The following TEX9 variants were observed in gnomAD, a reference collection of about 807,000 sequenced individuals.
The protein encoded by TEX9 is testis expressed 9.
In TEX9, 74 loss-of-function variants were observed where a neutral mutation model predicts 59.6. The ratio of observed to expected loss-of-function variants is 1.24; its 90% CI spans 1.03 to 1.51. The LOEUF (loss-of-function observed/expected upper bound fraction) is 1.51. TEX9 is among the 40% of genes most tolerant of loss of function. TEX9 has a pLI of 0.00. For missense variants in TEX9, 522 were observed against 447.8 expected (o/e 1.17, Z -1.49); for synonymous variants, 186 against 152.2 (o/e 1.22, Z -1.64).
chr15:56,256,352 T>C (rs1479687017), intron 1 of TEX9, among the ~76,000 whole-genome samples: 1 of 152,062 alleles, frequency 6.6e-6, no homozygotes, highest in Non-Finnish European at 1.5e-5. Context: ...CTAGTGTATT[T>C]AACTGCAACA....
intron 2 of TEX9, chr15:56,365,986 A>T (rs983474051): frequency 2.3e-6 from 2 of 871,846 alleles, no homozygotes; most frequent in African/African-American, 3.6e-5. Context: ...ACGAATAGTT[A>T]GTTCACTTGA....
At chr15:56,393,714 T>A (rs2048321414) in intron 7 of TEX9, 1 of 153,338 alleles carries the variant, frequency 6.5e-6, no homozygotes. Flanking sequence ...ATTAGTGTAT[T>A]TCTTTGCTTC....
At chr15:56,399,873 A>G (rs1300279476) in intron 9 of TEX9, among the ~76,000 whole-genome samples, 1 of 152,198 alleles carries the variant, frequency 6.6e-6, no homozygotes, top group African/African-American at 2.4e-5. Context: ...GCAAACTCCA[A>G]AAGAACTGCA....
intron 1 of TEX9, among the ~76,000 whole-genome samples, chr15:56,273,706 A>G (rs1271788709): frequency 1.3e-5 from 2 of 152,254 alleles, no homozygotes; most frequent in Non-Finnish European, 2.9e-5. Context: ...TCTGCAACAT[A>G]TAAAATTCTG....
intron 1 of TEX9, among the ~76,000 whole-genome samples, chr15:56,331,584 T>C (rs925576157): frequency 2.6e-5 from 4 of 152,004 alleles, no homozygotes; most frequent in African/African-American, 7.2e-5. Flanking sequence ...AAGAAGGAAA[T>C]TGAAAAATTT....
the TEX9 span, among the ~76,000 whole-genome samples, chr15:56,452,802 G>A: frequency 1.5e-4 from 23 of 152,238 alleles, no homozygotes; most frequent in African/African-American, 5.3e-4. Context: ...ACAGGCATGA[G>A]CCACCGCACC....
chr15:56,332,796 G>A (rs182440773), intron 1 of TEX9, among the ~76,000 whole-genome samples: 225 of 152,044 alleles, frequency 1.5e-3, no homozygotes, highest in Non-Finnish European at 2.6e-3. Flanking sequence ...AGAAAAAAGG[G>A]AGAAGATCTA....
chr15:56,348,929 C>T (rs1195670090), intron 1 of TEX9, among the ~76,000 whole-genome samples: 4 of 6,108 alleles, frequency 6.5e-4, no homozygotes, highest in Admixed American at 5.3e-3. Context: ...TTACCATTTT[C>T]TCTTTTTTTT....
chr15:56,327,530 TA>T (rs2046044819), intron 1 of TEX9, among the ~76,000 whole-genome samples: 2 of 152,168 alleles, frequency 1.3e-5, no homozygotes, highest in Non-Finnish European at 2.9e-5. Flanking sequence ...AACACCTTTA[TA>T]AGAACCAAAA....
Position 56,249,570 on chromosome 15 carries a change from T to G in TEX9, c.-107+5292T>G, listed in dbSNP as rs775255896. 1.3e-4 allele frequency among the ~76,000 whole-genome samples: 19 copies of G among 151,414 alleles called. No individual in the cohort carries two copies. In the South Asian group the frequency reaches 1.3e-3, roughly 10 times the overall value. On this transcript the variant is annotated intron_variant, in intron 1 of 5. Coordinates refer to the TEX9 transcript ENST00000560827. ...CTGGCGAAGATGGTGAAACCCCGTTTCTACTAAAAATACAAAAATTAGCCG... is the reference window on the plus strand; with the variant it reads ...CTGGCGAAGATGGTGAAACCCCGTTGCTACTAAAAATACAAAAATTAGCCG...
At chr15:56,448,405 T>C (rs2050923355), downstream of TEX9, among the ~76,000 whole-genome samples, 2 of 152,220 alleles carry the variant, frequency 1.3e-5, no homozygotes, top group Non-Finnish European at 2.9e-5. Flanking sequence ...CACCCTCTCA[T>C]AGTTCACAGT....
intron 1 of TEX9, among the ~76,000 whole-genome samples, chr15:56,323,939 T>C (rs1177862203): frequency 6.6e-6 from 1 of 152,172 alleles, no homozygotes; most frequent in Non-Finnish European, 1.5e-5. Context: ...TCCAGTGTCC[T>C]TTTTTGTATA....
chr15:56,245,202 C>T (rs1325878274), intron 1 of TEX9, among the ~76,000 whole-genome samples: 4 of 152,174 alleles, frequency 2.6e-5, no homozygotes, highest in African/African-American at 7.2e-5. Flanking sequence ...CAGTTCCCTG[C>T]CTTGGCCTGA....
intron 10 of TEX9, among the ~76,000 whole-genome samples, chr15:56,421,087 T>C (rs1567138257): frequency 6.6e-6 from 1 of 151,892 alleles, no homozygotes; most frequent in Non-Finnish European, 1.5e-5. Flanking sequence ...TCAATACTTC[T>C]GTATCTTATG....
chr15:56,403,224 G>A (rs564307691), intron 9 of TEX9, among the ~76,000 whole-genome samples: 145 of 152,292 alleles, frequency 9.5e-4, no homozygotes, highest in African/African-American at 3.4e-3. Context: ...ATGATTGTAT[G>A]TTTAGAAAAC....
At chr15:56,355,923 C>G (rs2046675645) in intron 1 of TEX9, among the ~76,000 whole-genome samples, 1 of 151,836 alleles carries the variant, frequency 6.6e-6, no homozygotes, top group South Asian at 2.1e-4. Context: ...GTATATAAAA[C>G]TATAATTTTA....
chr15:56,377,992 C>T (rs1027808474), intron 3 of TEX9, among the ~76,000 whole-genome samples: 1 of 151,964 alleles, frequency 6.6e-6, no homozygotes, highest in Admixed American at 6.6e-5. Context: ...GGTTTTTGTC[C>T]TTCATTCTGT....
intron 2 of TEX9, among the ~76,000 whole-genome samples, chr15:56,372,318 C>G (rs949872749): frequency 1.3e-4 from 20 of 152,230 alleles, no homozygotes; most frequent in East Asian, 5.8e-4. Flanking sequence ...TAATCTCCCC[C>G]CCTTTTTTTT....
At chr15:56,441,264 TA>T (rs2140350876) in intron 12 of TEX9, among the ~76,000 whole-genome samples, 1 of 152,246 alleles carries the variant, frequency 6.6e-6, no homozygotes, top group South Asian at 2.1e-4. Flanking sequence ...TGGTATTATT[TA>T]AAACCTTGAA....
Sources: allele counts gnomAD v4.1 joint callset (sites outside exome capture counted in the v4.1 genomes callset), GRCh38; gene constraint gnomAD v4.1.1; transcripts MANE v1.5; gene names NCBI Gene and HGNC (gene_info 2026-07-23, HGNC 2026-07-21).